INTS2: variants seen among roughly 807,000 people sequenced by gnomAD.
INTS2 encodes the protein integrator complex subunit 2.
In INTS2, 57 loss-of-function variants were observed where a neutral mutation model predicts 139.6. That is an observed-to-expected ratio of 0.41 (90% CI 0.33 to 0.51). The LOEUF (loss-of-function observed/expected upper bound fraction) is 0.51, where lower values mean the gene tolerates loss of function less well. Ranked by LOEUF, INTS2 falls within the 20% of genes least tolerant of loss-of-function variation. The probability of loss-of-function intolerance (pLI) is 0.28; values close to 1 mark genes in which losing one functional copy is unlikely to be tolerated. For synonymous variants in INTS2, 473 were observed against 493.4 expected (o/e 0.96, Z 0.55); for missense variants, 1,196 against 1,436.7 (o/e 0.83, Z 2.71).
At chr17:61,920,687 C>T (rs970989325) in intron 4 of INTS2, among the ~76,000 whole-genome samples, 1 of 151,894 alleles carries the variant, frequency 6.6e-6, no homozygotes, top group Non-Finnish European at 1.5e-5. Flanking sequence ...CCTGTAATCC[C>T]AGCTACTCAG....
rs767399110 is a variant in INTS2 at position 61,911,593 on chromosome 17, A to G, written c.881T>C (p.Val294Ala). 1.9e-6 allele frequency: 3 copies of G among 1,614,034 alleles called. No individual in the cohort carries two copies. Reference sequence around the variant, plus strand: ...ATTTGTTCCAAGAAGCAAACCACTTACAAAACAAACCAAGTCACTCACTCC... The same window carrying G: ...ATTTGTTCCAAGAAGCAAACCACTTGCAAAACAAACCAAGTCACTCACTCC... ...EDGVSDLVCF[V>A]SGLLLGTNAK... The change falls in exon 7 of 25, where the codon GTA (valine) becomes GCA (alanine). Residue 294 changes from valine (V) to alanine (A), a missense_variant. Around this residue, in one of 3 missense-constraint regions of INTS2, gnomAD observed 1,129 missense variants for 1,341.9 expected, o/e 0.84. Transcript: ENST00000251334.
At chr17:61,885,590 T>C (rs2079219842) in intron 15 of INTS2, among the ~76,000 whole-genome samples, 1 of 151,968 alleles carries the variant, frequency 6.6e-6, no homozygotes, top group Non-Finnish European at 1.5e-5. Flanking sequence ...TGGCTAATTT[T>C]TGTATTTTTA....
At chr17:61,886,795 A>G (rs1164359029) in intron 15 of INTS2, among the ~76,000 whole-genome samples, 1 of 152,260 alleles carries the variant, frequency 6.6e-6, no homozygotes, top group Non-Finnish European at 1.5e-5. Flanking sequence ...ATTCTCTTAC[A>G]AACTACAAAC....
At position 61,867,447 on chromosome 17, in the gene INTS2, G is replaced by T. The variant is rs2079054431; in HGVS notation, c.*110C>A. Reference sequence around the variant, plus strand: ...TCATGTTGAATTGAATTGTTTTAGTGATTCCAAGACAATACTTTACTGTTC... The same window carrying T: ...TCATGTTGAATTGAATTGTTTTAGTTATTCCAAGACAATACTTTACTGTTC... On this transcript the variant is annotated 3_prime_UTR_variant, in exon 25 of 25. Coordinates refer to ENST00000251334, the MANE Select transcript of INTS2 (RefSeq NM_001351695.2). The surrounding 1 kb of genome is among the most constrained non-coding windows in gnomAD (Gnocchi z 5.6). 1 of 599,554 alleles carries T rather than the reference G, an allele frequency of 1.7e-6. No individual in the cohort carries two copies. The highest frequency in any genetic ancestry group is 3.2e-5 in the Admixed American group (1 of 30,998). The allele number at this position is 599,554 out of a possible 1,614,324, so 37.1% of individuals were successfully genotyped here. A position where few individuals can be genotyped will look rare whatever the true frequency, so the allele number is the denominator to read the frequency against.
In INTS2 at chr17:61,891,660, G is replaced by C. The variant is rs1273593549; in HGVS notation, c.1728C>G (p.Thr576=). The C allele has an allele frequency of 1.2e-5, 19 of 1,612,292 alleles. No individual in the cohort carries two copies. The highest frequency in any genetic ancestry group is 1.6e-5 in the Non-Finnish European group (19 of 1,178,856). ...GTAATTGAGGATGAAGTGGAGTAGA[G>C]GTTTCACACAGCTGTCTATAAATCC... is the stretch of plus-strand genomic sequence containing the variant. ...KDWIYRQLCE[T]STPLHPQLLP... The change falls in exon 14 of 25, where the codon ACC becomes ACG. Residue 576 remains threonine (T), a synonymous_variant. Coordinates refer to ENST00000251334, the MANE Select transcript of INTS2 (RefSeq NM_001351695.2).
chr17:61,873,056 C>T lies in INTS2; in HGVS notation c.2583-596G>A, dbSNP rs75869189. 9.8e-4 allele frequency among the ~76,000 whole-genome samples: 149 copies of T among 152,216 alleles called. No homozygotes were observed. The highest frequency in any genetic ancestry group is 1.9e-3 in the South Asian group (9 of 4,810). ...GAATTAAAAGTCTTGAAAATGAGCA[C>T]GACACTTTTGCCCCAATAATTCCAT... On this transcript the variant is annotated intron_variant, in intron 19 of 24. Transcript: ENST00000251334. This position sits in a 1 kb window ranked among gnomAD's most constrained non-coding sequence, Gnocchi z 4.0.
chr17:61,914,048 T>C lies in INTS2; in HGVS notation c.650-1978A>G, dbSNP rs533347297. 3.3e-5 allele frequency among the ~76,000 whole-genome samples: 5 copies of C among 151,468 alleles called. No homozygotes were observed. In the East Asian group the frequency reaches 5.8e-4, roughly 18 times the overall value. ...CACTATAATAATCACATTTAAATGGTCTATGTATACAGTCTAAACACTCCA... is the reference window on the plus strand; with the variant it reads ...CACTATAATAATCACATTTAAATGGCCTATGTATACAGTCTAAACACTCCA... On this transcript the variant is annotated intron_variant, in intron 5 of 24. Transcript: ENST00000251334.
chr17:61,897,744 A>G lies in INTS2; in HGVS notation c.1308-5T>C, dbSNP rs1470641100. ...AGCTGCTCCTGTTCAGGTGTACTATATAAAATATACCAGAATGTCACTGGT... is the reference window on the plus strand; with the variant it reads ...AGCTGCTCCTGTTCAGGTGTACTATGTAAAATATACCAGAATGTCACTGGT... On this transcript the variant is annotated splice_region_variant and splice_polypyrimidine_tract_variant and intron_variant, in intron 9 of 24. Transcript: ENST00000251334. The surrounding 1 kb of genome is among the most constrained non-coding windows in gnomAD (Gnocchi z 4.4). 2.5e-6 allele frequency: 4 copies of G among 1,588,460 alleles called. No individual in the cohort carries two copies. Among genetic ancestry groups the G allele is most frequent in the Non-Finnish European group, 3.4e-6 (4 of 1,161,836 alleles).
At chr17:61,887,222 C>T (rs185361518) in intron 15 of INTS2, among the ~76,000 whole-genome samples, 4 of 152,290 alleles carry the variant, frequency 2.6e-5, no homozygotes, top group Non-Finnish European at 4.4e-5. Context: ...GTGGCTCACA[C>T]CTGTAATCCC....
At position 61,909,814 on chromosome 17, in the gene INTS2, CAT is replaced by C. The variant is rs1491494222; in HGVS notation, c.954+1704_954+1705del. ...GTATACATATATACGTGTGTGTGTACATGTGTGTATGTGTGTGTGTGTGTGTG... is the reference window on the plus strand; with the variant it reads ...GTATACATATATACGTGTGTGTGTACGTGTGTATGTGTGTGTGTGTGTGTG... On this transcript the variant is annotated intron_variant, in intron 7 of 24. Transcript: ENST00000251334. The surrounding 1 kb of genome is among the most constrained non-coding windows in gnomAD (Gnocchi z 4.9). 4.6e-4 allele frequency among the ~76,000 whole-genome samples: 39 copies of C among 85,238 alleles called. No individual in the cohort carries two copies. The highest frequency in any genetic ancestry group is 1.4e-3 in the African/African-American group (33 of 23,466). The allele number at this position is 85,238 out of a possible 152,430, so 55.9% of individuals were successfully genotyped here.
In INTS2 at chr17:61,869,215, T is replaced by C. The variant is rs578232132; in HGVS notation, c.3138+58A>G. 37 of 1,453,812 alleles carry C rather than the reference T, an allele frequency of 2.5e-5. No homozygotes were observed. Among genetic ancestry groups the C allele is most frequent in the South Asian group, 4.7e-5 (4 of 84,988 alleles). The allele number at this position is 1,453,812 out of a possible 1,614,324, so 90.1% of individuals were successfully genotyped here. ...ATTAAAAATTATAAAATGTTTTGTA[T>C]AACTAGTAAGACTGGAGAGAGAGAT... is the stretch of plus-strand genomic sequence containing the variant. On this transcript the variant is annotated intron_variant, in intron 22 of 24. Coordinates refer to ENST00000251334, the MANE Select transcript of INTS2 (RefSeq NM_001351695.2). This position sits in a 1 kb window ranked among gnomAD's most constrained non-coding sequence, Gnocchi z 5.4.
At position 61,876,091 on chromosome 17, in the gene INTS2, C is replaced by A. The variant is rs866694913; in HGVS notation, c.2457-1053G>T. Reference sequence around the variant, plus strand: ...GGCTGAGGCAGAAGGATCGTTTGAGCCCATGAGTTGAGGTTACAGTGAACT... The same window carrying A: ...GGCTGAGGCAGAAGGATCGTTTGAGACCATGAGTTGAGGTTACAGTGAACT... On this transcript the variant is annotated intron_variant, in intron 18 of 24. Coordinates refer to ENST00000251334, the MANE Select transcript of INTS2 (RefSeq NM_001351695.2). This position sits in a 1 kb window ranked among gnomAD's most constrained non-coding sequence, Gnocchi z 4.1. 3.3e-5 allele frequency among the ~76,000 whole-genome samples: 5 copies of A among 152,270 alleles called. No individual in the cohort carries two copies. In the Middle Eastern group the frequency reaches 0.014, roughly 414 times the overall value.
chr17:61,921,356 A>G (rs2079639260), intron 4 of INTS2: 1 of 153,584 alleles, frequency 6.5e-6, no homozygotes, highest in African/African-American at 2.4e-5. Context: ...AAAAAAAATA[A>G]GTATTTTATT....
intron 9 of INTS2, among the ~76,000 whole-genome samples, chr17:61,903,563 GAGA>G (rs2079430500): frequency 6.6e-6 from 1 of 151,684 alleles, no homozygotes. Context: ...AACATCTGGA[GAGA>G]AGATTTAGGC....
intron 18 of INTS2, among the ~76,000 whole-genome samples, chr17:61,877,601 AAC>A (rs2079137041): frequency 6.6e-6 from 1 of 152,218 alleles, no homozygotes; most frequent in South Asian, 2.1e-4. Context: ...TCCAAGATAT[AAC>A]AGTGATCTAA....
rs2079063277 is a variant in INTS2, at chr17:61,868,410, T to G, written c.3245-401A>C. 6.6e-6 allele frequency among the ~76,000 whole-genome samples: 1 copy of G among 152,076 alleles called. No homozygotes were observed. The highest frequency in any genetic ancestry group is 1.5e-5 in the Non-Finnish European group (1 of 67,972). On this transcript the variant is annotated intron_variant, in intron 23 of 24. Coordinates refer to ENST00000251334, the MANE Select transcript of INTS2 (RefSeq NM_001351695.2). The surrounding 1 kb of genome is among the most constrained non-coding windows in gnomAD (Gnocchi z 4.7). ...GTAAACTCTTAATCACTACAAATAA[T>G]TATAACAGGATATAAATACGATGAA...
Position 61,876,763 on chromosome 17 carries a change from T to C in INTS2, c.2456+1124A>G, listed in dbSNP as rs181669061. Among the ~76,000 whole-genome samples the C allele has an allele frequency of 1.4e-4, 22 of 152,240 alleles. No homozygotes were observed. The highest frequency in any genetic ancestry group is 1.4e-3 in the Admixed American group (22 of 15,276). Reference sequence around the variant, plus strand: ...CAGCCAAAAAAATGTTAATGATACATTATCTGATGTGTTATGATTAAGTGT... The same window carrying C: ...CAGCCAAAAAAATGTTAATGATACACTATCTGATGTGTTATGATTAAGTGT... On this transcript the variant is annotated intron_variant, in intron 18 of 24. Coordinates refer to ENST00000251334, the MANE Select transcript of INTS2 (RefSeq NM_001351695.2). This position sits in a 1 kb window ranked among gnomAD's most constrained non-coding sequence, Gnocchi z 4.1.
In INTS2 at chr17:61,891,703, T is replaced by A; in HGVS notation, c.1699-14A>T. On this transcript the variant is annotated splice_polypyrimidine_tract_variant and intron_variant, in intron 13 of 24. Transcript: ENST00000251334. ...ATAAATCCAATCCTAAGAAAGAATG[T>A]TATAGACACTGAATTAATTGTGGCA... 6.4e-7 allele frequency: 1 copy of A among 1,572,204 alleles called. No individual in the cohort carries two copies. Among genetic ancestry groups the A allele is most frequent in the Non-Finnish European group, 8.6e-7 (1 of 1,157,562 alleles).
chr17:61,909,798 T>C lies in INTS2; in HGVS notation c.954+1722A>G, dbSNP rs907031447. 4.7e-5 allele frequency among the ~76,000 whole-genome samples: 7 copies of C among 149,348 alleles called. No individual in the cohort carries two copies. Among genetic ancestry groups the C allele is most frequent in the African/African-American group, 1.7e-4 (7 of 40,258 alleles). On this transcript the variant is annotated intron_variant, in intron 7 of 24. Transcript: ENST00000251334. This position sits in a 1 kb window ranked among gnomAD's most constrained non-coding sequence, Gnocchi z 4.9. ...GTGTGTTTGTGTGTGTGTATACATA[T>C]ATACGTGTGTGTGTACATGTGTGTA...
Sources: allele counts gnomAD v4.1 joint callset (sites outside exome capture counted in the v4.1 genomes callset), GRCh38; gene constraint gnomAD v4.1.1; regional missense constraint gnomAD v4.1.1; non-coding constraint Gnocchi (gnomAD v3.1); transcripts MANE v1.5; gene names NCBI Gene and HGNC (gene_info 2026-07-23, HGNC 2026-07-21).